Variants in PDS5A observed in about 807,000 individuals in gnomAD.
PDS5A encodes the protein PDS5 cohesin associated factor A.
In PDS5A, 42 loss-of-function variants were observed where a neutral mutation model predicts 167.1. The ratio of observed to expected loss-of-function variants is 0.25; its 90% confidence interval spans 0.20 to 0.33. The LOEUF (loss-of-function observed/expected upper bound fraction) is 0.33. Ranked by LOEUF, PDS5A falls within the 10% of genes least tolerant of loss-of-function variation. The probability of loss-of-function intolerance (pLI) is 1.00; values close to 1 mark genes in which losing one functional copy is unlikely to be tolerated. For missense variants in PDS5A, 1,033 were observed against 1,605.9 expected, an observed-to-expected ratio of 0.64 and a Z score of 6.10; for synonymous variants, 553 against 554.6, an observed-to-expected ratio of 1.00 and a Z score of 0.04.
chr4:39,967,848 AC>A (rs1377595845), intron 2 of PDS5A, among the ~76,000 whole-genome samples: 1 of 151,362 alleles, frequency 6.6e-6, no homozygotes, highest in African/African-American at 2.4e-5. Flanking sequence ...AGTCCCAGCT[AC>A]TCAGGAGGCT....
chr4:39,977,836 G>T lies in PDS5A; in HGVS notation c.-420C>A, dbSNP rs1413972116. The T allele has an allele frequency of 6.7e-6, 1 of 149,604 alleles. No individual in the cohort carries two copies. Among genetic ancestry groups the T allele is most frequent in the Non-Finnish European group, 1.5e-5 (1 of 66,990 alleles). 9.3% of individuals were successfully genotyped at this position (149,604 alleles called of 1,614,324 possible). ...CCGGACGCCCCTCGCAGAGGCGCGCGCCCGGCCGTCCGTGCCCCGGGAGCC... is the reference window on the plus strand; with the variant it reads ...CCGGACGCCCCTCGCAGAGGCGCGCTCCCGGCCGTCCGTGCCCCGGGAGCC... On this transcript the variant is annotated 5_prime_UTR_variant, in exon 1 of 33. Transcript: ENST00000303538. The surrounding 1 kb of genome is among the most constrained non-coding windows in gnomAD (Gnocchi z 4.2).
chr4:39,951,378 G>C, intron 2 of PDS5A, among the ~76,000 whole-genome samples: 1 of 152,200 alleles, frequency 6.6e-6, no homozygotes, highest in East Asian at 1.9e-4. Context: ...CTAAGGCTCA[G>C]ATCTCTGAAA....
rs143602007 is a variant in PDS5A, at chr4:39,900,122, T to C, written c.1581+304A>G. Among the ~76,000 whole-genome samples the C allele has an allele frequency of 6.7e-3, 1,025 of 152,318 alleles. 13 individuals carry two copies. The highest frequency in any genetic ancestry group is 0.024 in the African/African-American group (979 of 41,568). On this transcript the variant is annotated intron_variant, in intron 14 of 32. Coordinates refer to ENST00000303538, the MANE Select transcript of PDS5A (RefSeq NM_001100399.2). ...TGCAGTGAAAAAGAAATATGATGTT[T>C]AATGTAATTTTATCTCAAAATTTAA...
intron 3 of PDS5A, among the ~76,000 whole-genome samples, chr4:39,927,361 C>A (rs974252977): frequency 6.6e-6 from 1 of 152,152 alleles, no homozygotes; most frequent in Admixed American, 6.6e-5. Flanking sequence ...TCTTTCATTT[C>A]TTAATAAGCT....
In PDS5A at chr4:39,845,892, AAAAAAG is replaced by A. The variant is rs373381041; in HGVS notation, c.3340-18_3340-13del. ...TCGTTACAGAAGTCCTATTAAAAAA[AAAAAAG>A]AAAAAGAAAAAAGAAACACCAATCA... On this transcript the variant is annotated splice_polypyrimidine_tract_variant and intron_variant, in intron 28 of 32. Transcript: ENST00000303538. 60 of 1,342,290 alleles carry A rather than the reference AAAAAAG, an allele frequency of 4.5e-5. No individual in the cohort carries two copies. The Middle Eastern group carries it at 7.1e-4, about 16-fold the overall frequency. 83.1% of individuals were successfully genotyped at this position (1,342,290 alleles called of 1,614,324 possible).
At chr4:39,929,970 C>T (rs1156886494) in intron 2 of PDS5A, among the ~76,000 whole-genome samples, 2 of 150,558 alleles carry the variant, frequency 1.3e-5, no homozygotes, top group Admixed American at 1.3e-4. Context: ...AATCCCAGCA[C>T]TTTGGGAGGC....
chr4:39,926,676 G>T (rs1203892511), intron 4 of PDS5A, 99 bp downstream of exon 4: 13 of 820,492 alleles, frequency 1.6e-5, no homozygotes, highest in South Asian at 2.4e-5. Flanking sequence ...TATAGGCTTT[G>T]AATAAAATAA....
intron 21 of PDS5A, 105 bp from the exon 22 acceptor site, chr4:39,869,567 G>A (rs991698748): frequency 1.5e-5 from 11 of 723,298 alleles, no homozygotes; most frequent in African/African-American, 5.3e-5. Flanking sequence ...AGAAACCTAC[G>A]GGAACATCAC....
rs1478539709 is a variant in PDS5A, at chr4:39,929,518, A to ACTCTCTCTCTCTCT, written c.139-1355_139-1354insAGAGAGAGAGAGAG. 1.8e-4 allele frequency among the ~76,000 whole-genome samples: 4 copies of ACTCTCTCTCTCTCT among 22,766 alleles called. 1 individual carries two copies. The highest frequency in any genetic ancestry group is 9.7e-4 in the African/African-American group (4 of 4,104). The allele number at this position is 22,766 out of a possible 152,430, so 14.9% of individuals were successfully genotyped here. ...GGCCTTGTGAGTTAATACTTAATAAACTATATATATATATATATATATATA... is the reference window on the plus strand; with the variant it reads ...GGCCTTGTGAGTTAATACTTAATAAACTCTCTCTCTCTCTCTATATATATATATATATATATATA... On this transcript the variant is annotated intron_variant, in intron 2 of 32. Coordinates refer to ENST00000303538, the MANE Select transcript of PDS5A (RefSeq NM_001100399.2).
chr4:39,909,410 C>T (rs527940818), intron 10 of PDS5A, among the ~76,000 whole-genome samples: 1 of 152,234 alleles, frequency 6.6e-6, no homozygotes, highest in Admixed American at 6.5e-5. Flanking sequence ...CACGCGTGAG[C>T]CACCATGCCC....
intron 2 of PDS5A, among the ~76,000 whole-genome samples, chr4:39,951,898 CAAAAAAAAA>C (rs1161911794): frequency 5.8e-5 from 4 of 68,802 alleles, no homozygotes; most frequent in Non-Finnish European, 1.0e-4. Flanking sequence ...GAGTCTGTCT[CAAAAAAAAA>C]AAAAAAAAAA....
chr4:39,838,924 C>T (rs12503237), intron 31 of PDS5A, among the ~76,000 whole-genome samples: 28,230 of 151,718 alleles, frequency 0.19, 3,409 homozygotes, highest in Admixed American at 0.27. Flanking sequence ...GAGGCTGAGG[C>T]AGGAGAATAG....
At chr4:39,922,454 T>C (rs1299460309) in intron 6 of PDS5A, among the ~76,000 whole-genome samples, 168 bp downstream of exon 6, 1 of 152,198 alleles carries the variant, frequency 6.6e-6, no homozygotes, top group East Asian at 1.9e-4. Flanking sequence ...ATCAATATAT[T>C]TTGTAAAAAT....
At chr4:39,842,901 TCC>T (rs1717156139) in intron 30 of PDS5A, among the ~76,000 whole-genome samples, 4 of 41,370 alleles carry the variant, frequency 9.7e-5, no homozygotes, top group African/African-American at 4.6e-4. Context: ...TGTAAACTTA[TCC>T]TATTTTTATA....
intron 16 of PDS5A, among the ~76,000 whole-genome samples, chr4:39,896,477 AT>A (rs1722424574): frequency 1.3e-5 from 2 of 151,340 alleles, no homozygotes; most frequent in African/African-American, 4.9e-5. Flanking sequence ...CCTATTAAAA[AT>A]TTTTTTGGCT....
chr4:39,940,454 C>G (rs1045794563), intron 2 of PDS5A, among the ~76,000 whole-genome samples: 1 of 151,966 alleles, frequency 6.6e-6, no homozygotes, highest in African/African-American at 2.4e-5. Flanking sequence ...GTTTTATGCA[C>G]CTTTTATGTT....
At chr4:39,939,705 G>T (rs1727041437) in intron 2 of PDS5A, among the ~76,000 whole-genome samples, 3 of 151,954 alleles carry the variant, frequency 2.0e-5, no homozygotes, top group Non-Finnish European at 4.4e-5. Flanking sequence ...ACTGAAGCAG[G>T]AGAATCACTT....
intron 2 of PDS5A, among the ~76,000 whole-genome samples, chr4:39,947,228 C>T (rs948304809): frequency 4.6e-5 from 7 of 152,034 alleles, no homozygotes; most frequent in Admixed American, 3.9e-4. Context: ...GTGATGCTGG[C>T]GGACCACTTG....
At chr4:39,926,489 G>C (rs181956690) in intron 4 of PDS5A, among the ~76,000 whole-genome samples, 1 of 146,392 alleles carries the variant, frequency 6.8e-6, no homozygotes, top group Non-Finnish European at 1.5e-5. Context: ...TTGCACTCCA[G>C]TCTTGGCAAC....
Sources: allele counts gnomAD v4.1 joint callset (sites outside exome capture counted in the v4.1 genomes callset), GRCh38; gene constraint gnomAD v4.1.1; non-coding constraint Gnocchi (gnomAD v3.1); transcripts MANE v1.5; gene names NCBI Gene and HGNC (gene_info 2026-07-23, HGNC 2026-07-21).